TIMD4: variants seen among roughly 807,000 people sequenced by gnomAD.
TIMD4 encodes the protein T cell immunoglobulin and mucin domain containing 4.
In TIMD4, 31 loss-of-function variants were observed where a neutral mutation model predicts 41.2. The observed-to-expected ratio is 0.75, with a 90% CI of 0.57 to 1.01. TIMD4 has a LOEUF of 1.01. TIMD4 is among the 50% of genes least tolerant of loss of function. TIMD4 has a pLI of 0.00. For synonymous variants in TIMD4, 204 were observed against 177.1 expected (o/e 1.15, Z -1.21); for missense variants, 479 against 472.5 (o/e 1.01, Z -0.13).
intron 1 of TIMD4, among the ~76,000 whole-genome samples, chr5:156,956,789 G>C (rs542965422): frequency 6.6e-6 from 1 of 152,280 alleles, no homozygotes; most frequent in South Asian, 2.1e-4. Flanking sequence ...GCTCCCCCTT[G>C]GGTACCCAGG....
intron 6 of TIMD4, among the ~76,000 whole-genome samples, chr5:156,925,049 C>T (rs1191562867): frequency 6.6e-6 from 1 of 152,190 alleles, no homozygotes; most frequent in African/African-American, 2.4e-5. Flanking sequence ...TGGCTCACGC[C>T]TGTAATCCTG....
At chr5:156,925,714 T>C (rs1561544421) in intron 6 of TIMD4, among the ~76,000 whole-genome samples, 1 of 152,212 alleles carries the variant, frequency 6.6e-6, no homozygotes, top group Non-Finnish European at 1.5e-5. Context: ...GTTTTTTATA[T>C]TTTTTTCTTT....
At chr5:156,942,463 C>T (rs74531909) in intron 5 of TIMD4, among the ~76,000 whole-genome samples, 3,743 of 152,296 alleles carry the variant, frequency 0.025, 90 homozygotes, top group African/African-American at 0.063. Flanking sequence ...GACTTCCCCC[C>T]TACATCCCCT....
At chr5:156,930,923 G>A (rs1431612024) in intron 5 of TIMD4, among the ~76,000 whole-genome samples, 1 of 152,170 alleles carries the variant, frequency 6.6e-6, no homozygotes, top group Non-Finnish European at 1.5e-5. Context: ...ATTTTGCAAT[G>A]TCATTAAGCT....
At chr5:156,952,090 G>A (rs565164472) in intron 2 of TIMD4, among the ~76,000 whole-genome samples, 1 of 152,128 alleles carries the variant, frequency 6.6e-6, no homozygotes, top group East Asian at 1.9e-4. Context: ...AGGAGTTTGA[G>A]ACCAGCCTGG....
At chr5:156,949,788 G>T in intron 3 of TIMD4, 57 bp from the exon 4 acceptor site, 1 of 1,049,352 alleles carries the variant, frequency 9.5e-7, no homozygotes, top group Non-Finnish European at 1.5e-6. Flanking sequence ...TGTGTTTGTG[G>T]TGGGTGGTGG....
intron 5 of TIMD4, among the ~76,000 whole-genome samples, chr5:156,940,686 C>A (rs960998389): frequency 1.3e-5 from 2 of 151,784 alleles, no homozygotes; most frequent in African/African-American, 2.4e-5. Context: ...CCGGCTGCCC[C>A]GTATGAGAAG....
At chr5:156,951,873 A>C in intron 2 of TIMD4, 83 bp from the exon 3 acceptor site, 1 of 1,569,524 alleles carries the variant, frequency 6.4e-7, no homozygotes, top group Non-Finnish European at 8.7e-7. Context: ...GGACCCATCC[A>C]TTTCTGTTGT....
chr5:156,921,644 A>G lies in TIMD4; in HGVS notation c.1012+455T>C, dbSNP rs867079793. Among the ~76,000 whole-genome samples, 505 of 139,424 alleles carry G rather than the reference A, an allele frequency of 3.6e-3. 1 individual carries two copies. Among genetic ancestry groups the G allele is most frequent in the African/African-American group, 0.013 (472 of 35,694 alleles). 91.5% of individuals were successfully genotyped at this position (139,424 alleles called of 152,430 possible). A position where few individuals can be genotyped will look rare whatever the true frequency, so the allele number is the denominator to read the frequency against. ...AAAAAAAAAAAAAAAAAAAAAAAAA[A>G]AAGAAGAAGAAAACCAGGATTGTTC... On this transcript the variant is annotated intron_variant, in intron 7 of 8. Coordinates refer to ENST00000274532, the MANE Select transcript of TIMD4 (RefSeq NM_138379.3).
At position 156,943,653 on chromosome 5, in the gene TIMD4, T is replaced by G. The variant is rs185420356; in HGVS notation, c.844+4763A>C. 2.1e-4 allele frequency among the ~76,000 whole-genome samples: 32 copies of G among 152,308 alleles called. No homozygotes were observed. The East Asian group carries it at 5.8e-3, about 28-fold the overall frequency. On this transcript the variant is annotated intron_variant, in intron 5 of 8. Coordinates refer to ENST00000274532, the MANE Select transcript of TIMD4 (RefSeq NM_138379.3). Reference sequence around the variant, plus strand: ...TTTTATTTAGGAAATGGCATAGTTATGTAGCTTTTTATGCCCTGGCTTTGG... The same window carrying G: ...TTTTATTTAGGAAATGGCATAGTTAGGTAGCTTTTTATGCCCTGGCTTTGG...
At position 156,945,534 on chromosome 5, in the gene TIMD4, G is replaced by A. The variant is rs373836526; in HGVS notation, c.844+2882C>T. On this transcript the variant is annotated intron_variant, in intron 5 of 8. Transcript: ENST00000274532. Reference sequence around the variant, plus strand: ...AAAAACGCTGAGCACAGTACCTAATGCATAGGTAAATCCTCGGTGGATGTT... The same window carrying A: ...AAAAACGCTGAGCACAGTACCTAATACATAGGTAAATCCTCGGTGGATGTT... Among the ~76,000 whole-genome samples, 38 of 152,260 alleles carry A rather than the reference G, an allele frequency of 2.5e-4. No homozygotes were observed. In the South Asian group the frequency reaches 5.2e-3, roughly 21 times the overall value.
At chr5:156,938,278 T>A (rs1759576256) in intron 5 of TIMD4, among the ~76,000 whole-genome samples, 1 of 152,182 alleles carries the variant, frequency 6.6e-6, no homozygotes, top group Non-Finnish European at 1.5e-5. Context: ...TGTACTATAC[T>A]AGGAATTCCT....
Position 156,922,113 on chromosome 5 carries a change from G to T in TIMD4, c.998C>A (p.Ala333Glu). The T allele has an allele frequency of 6.2e-7, 1 of 1,613,598 alleles. No homozygotes were observed. Among genetic ancestry groups the T allele is most frequent in the Non-Finnish European group, 8.5e-7 (1 of 1,179,724 alleles). ...TCCCTCCTTACCTCTCAGGAGAAAC[G>T]CCACAAACAATGCGAAGAGCACAAA... Reference protein sequence around the residue: ...LGFVLFALFVAFLLRGKLMET... With the variant: ...LGFVLFALFVEFLLRGKLMET... Residue 333 changes from alanine (A) to glutamate (E), a missense_variant, in exon 7 of 9, where the codon GCG (alanine) becomes GAG (glutamate). Physicochemically the swap from Ala to Glu is moderately radical, Grantham distance 107. Coordinates refer to ENST00000274532, the MANE Select transcript of TIMD4 (RefSeq NM_138379.3).
chr5:156,920,810 C>T (rs566774563), intron 7 of TIMD4, among the ~76,000 whole-genome samples: 17 of 152,326 alleles, frequency 1.1e-4, no homozygotes, highest in African/African-American at 3.8e-4. Context: ...CACTTCTTTA[C>T]GAGACATACT....
chr5:156,948,926 T>C (rs1042647940), intron 4 of TIMD4, among the ~76,000 whole-genome samples: 5 of 152,228 alleles, frequency 3.3e-5, no homozygotes, highest in African/African-American at 1.2e-4. Context: ...AGCTCCATTA[T>C]GGTAACACCT....
At position 156,961,354 on chromosome 5, in the gene TIMD4, A is replaced by G. The variant is rs75326279; in HGVS notation, c.58+1787T>C. Among the ~76,000 whole-genome samples the G allele has an allele frequency of 3.1e-3, 477 of 152,380 alleles. 1 individual carries two copies. Among genetic ancestry groups the G allele is most frequent in the African/African-American group, 0.011 (450 of 41,594 alleles). On this transcript the variant is annotated intron_variant, in intron 1 of 8. Coordinates refer to ENST00000274532, the MANE Select transcript of TIMD4 (RefSeq NM_138379.3). ...TTAAAAAACTAAAAATAGAATTACCATATGATCCAACAATCCCACTACTGG... is the reference window on the plus strand; with the variant it reads ...TTAAAAAACTAAAAATAGAATTACCGTATGATCCAACAATCCCACTACTGG...
At chr5:156,939,511 AG>A (rs1328999942) in intron 5 of TIMD4, among the ~76,000 whole-genome samples, 1 of 152,186 alleles carries the variant, frequency 6.6e-6, no homozygotes, top group East Asian at 1.9e-4. Flanking sequence ...TATTTTGACC[AG>A]ATATAAGTGC....
chr5:156,945,982 A>G (rs1445920870), intron 5 of TIMD4, among the ~76,000 whole-genome samples: 1 of 152,228 alleles, frequency 6.6e-6, no homozygotes, highest in African/African-American at 2.4e-5. Flanking sequence ...TGTTCCATAG[A>G]GACTGACTGG....
In TIMD4 at chr5:156,926,686, C is replaced by T. The variant is rs150053983; in HGVS notation, c.845-374G>A. Among the ~76,000 whole-genome samples, 266 of 152,286 alleles carry T rather than the reference C, an allele frequency of 1.7e-3. 1 individual carries two copies. The highest frequency in any genetic ancestry group is 6.2e-3 in the African/African-American group (256 of 41,552). ...TACTGAGCACCTATTATAGGCCATGCAGTGTGATAGCTATACCTTGGACCT... is the reference window on the plus strand; with the variant it reads ...TACTGAGCACCTATTATAGGCCATGTAGTGTGATAGCTATACCTTGGACCT... On this transcript the variant is annotated intron_variant, in intron 5 of 8. Transcript: ENST00000274532.
Sources: allele counts gnomAD v4.1 joint callset (sites outside exome capture counted in the v4.1 genomes callset), GRCh38; gene constraint gnomAD v4.1.1; transcripts MANE v1.5; gene names NCBI Gene and HGNC (gene_info 2026-07-23, HGNC 2026-07-21).